CPS1: variants seen among roughly 807,000 people sequenced by gnomAD.
CPS1 encodes the protein carbamoyl-phosphate synthase [ammonia], mitochondrial.
Under a neutral mutation model 174.6 loss-of-function variants are expected in CPS1, and 109 were observed. The ratio of observed to expected loss-of-function variants is 0.62; its 90% CI spans 0.53 to 0.73. CPS1 has a LOEUF of 0.73. CPS1 is among the 30% of genes least tolerant of loss of function. The pLI is 0.00. For synonymous variants in CPS1, 637 were observed against 632.0 expected, an observed-to-expected ratio of 1.01 and a Z score of -0.12; for missense variants, 1,689 against 1,821.9, an observed-to-expected ratio of 0.93 and a Z score of 1.33.
At position 210,676,902 on chromosome 2, in the gene CPS1, G is replaced by A. The variant is rs1701553774; in HGVS notation, c.4275-105G>A. ...AGGAGGGCAGATGGCAGTCAACTCA[G>A]CATGGCATTGACTTGAATGGCTAAG... On this transcript the variant is annotated intron_variant, in intron 36 of 37. Transcript: ENST00000233072. 9 of 1,035,552 alleles carry A rather than the reference G, an allele frequency of 8.7e-6. No individual in the cohort carries two copies. The Admixed American group carries it at 1.6e-4, about 18-fold the overall frequency. 64.1% of individuals were successfully genotyped at this position (1,035,552 alleles called of 1,614,324 possible).
intron 1 of CPS1, among the ~76,000 whole-genome samples, chr2:210,541,616 C>T (rs1013233981): frequency 2.0e-5 from 3 of 152,006 alleles, no homozygotes; most frequent in African/African-American, 7.2e-5. Context: ...AGTCCAAGGC[C>T]ACATTAGTAC....
At chr2:210,495,363 G>A (rs1173599387) in intron 1 of CPS1, among the ~76,000 whole-genome samples, 1 of 152,138 alleles carries the variant, frequency 6.6e-6, no homozygotes, top group African/African-American at 2.4e-5. Flanking sequence ...TCTGTGATGT[G>A]CCTCCACTCA....
In CPS1 at chr2:210,491,307, G is replaced by GTT. The variant is rs66825517; in HGVS notation, c.3+13571_3+13572dup. On this transcript the variant is annotated intron_variant, in intron 1 of 38. Transcript: ENST00000430249. Reference sequence around the variant, plus strand: ...GTAAAAGCATGTATTTGGTATCTGTGTTTTTTTTTTTTTTTTTTTTTTTTT... The same window carrying GTT: ...GTAAAAGCATGTATTTGGTATCTGTGTTTTTTTTTTTTTTTTTTTTTTTTTTT... Among the ~76,000 whole-genome samples the GTT allele has an allele frequency of 3.3e-3, 166 of 50,322 alleles. 20 individuals carry two copies. The highest frequency in any genetic ancestry group is 0.01 in the African/African-American group (104 of 9,972). The allele number at this position is 50,322 out of a possible 152,430, so 33.0% of individuals were successfully genotyped here. A position where few individuals can be genotyped will look rare whatever the true frequency, so the allele number is the denominator to read the frequency against.
intron 33 of CPS1, among the ~76,000 whole-genome samples, chr2:210,665,947 G>A (rs938652351): frequency 2.0e-4 from 29 of 145,066 alleles, no homozygotes; most frequent in African/African-American, 7.1e-4. Context: ...CACCAACAGT[G>A]TCAAAGTGTT....
At chr2:210,664,250 C>T (rs1299235188) in intron 33 of CPS1, among the ~76,000 whole-genome samples, 7 of 152,104 alleles carry the variant, frequency 4.6e-5, no homozygotes, top group South Asian at 2.1e-4. Flanking sequence ...ATCCCATGGT[C>T]GCTACTACTA....
intron 21 of CPS1, among the ~76,000 whole-genome samples, chr2:210,631,590 T>C (rs1699873852): frequency 1.3e-5 from 2 of 152,194 alleles, no homozygotes; most frequent in South Asian, 4.1e-4. Flanking sequence ...CCTTCTAAAA[T>C]TTCAGTCATT....
chr2:210,536,611 C>A (rs1171748641), intron 1 of CPS1, among the ~76,000 whole-genome samples: 3 of 152,292 alleles, frequency 2.0e-5, no homozygotes, highest in Non-Finnish European at 4.4e-5. Flanking sequence ...CAGGCGTGAG[C>A]CACTGCGCCT....
intron 1 of CPS1, among the ~76,000 whole-genome samples, chr2:210,484,715 C>T (rs1249959664): frequency 6.6e-6 from 1 of 152,158 alleles, no homozygotes; most frequent in Non-Finnish European, 1.5e-5. Flanking sequence ...TTACCCCTCC[C>T]TAAATTCTGT....
chr2:210,557,777 G>A (rs1214890622), intron 1 of CPS1, among the ~76,000 whole-genome samples: 1 of 152,192 alleles, frequency 6.6e-6, no homozygotes, highest in Non-Finnish European at 1.5e-5. Context: ...GTCTGTTGAT[G>A]TGAAAATGGG....
At chr2:210,666,565 A>G (rs535870502) in intron 33 of CPS1, among the ~76,000 whole-genome samples, 183 of 152,276 alleles carry the variant, frequency 1.2e-3, no homozygotes, top group African/African-American at 4.1e-3. Context: ...TTTTCCCAGC[A>G]CCATTTATTA....
At chr2:210,554,572 A>G (rs1696841039), upstream of CPS1, among the ~76,000 whole-genome samples, 1 of 151,882 alleles carries the variant, frequency 6.6e-6, no homozygotes. Flanking sequence ...GAGGAAATAT[A>G]TTATAGTATT....
At chr2:210,497,098 T>G (rs1695009209) in intron 1 of CPS1, among the ~76,000 whole-genome samples, 1 of 152,160 alleles carries the variant, frequency 6.6e-6, no homozygotes, top group Non-Finnish European at 1.5e-5. Context: ...GGTATCTTCT[T>G]GTATGCTAAC....
intron 1 of CPS1, among the ~76,000 whole-genome samples, chr2:210,509,091 A>T (rs974708762): frequency 2.2e-4 from 33 of 152,348 alleles, no homozygotes; most frequent in African/African-American, 6.5e-4. Flanking sequence ...AGAGAATTTT[A>T]GACCAAGATC....
At chr2:210,633,980 ATTG>A (rs920260642) in intron 21 of CPS1, among the ~76,000 whole-genome samples, 3 of 152,240 alleles carry the variant, frequency 2.0e-5, no homozygotes, top group African/African-American at 7.2e-5. Context: ...AAAAGTGGTT[ATTG>A]TTCTAATTTA....
chr2:210,659,925 C>T (rs573832018), intron 31 of CPS1, among the ~76,000 whole-genome samples: 6 of 152,110 alleles, frequency 3.9e-5, no homozygotes, highest in African/African-American at 7.2e-5. Context: ...TCTCGCAAAA[C>T]GGTTGGAATT....
intron 1 of CPS1, among the ~76,000 whole-genome samples, chr2:210,533,835 C>G (rs1457027277): frequency 6.6e-6 from 1 of 152,188 alleles, no homozygotes; most frequent in Non-Finnish European, 1.5e-5. Context: ...GGGCATTAAT[C>G]AAATGATCAT....
At chr2:210,515,874 T>A (rs1395678943) in intron 1 of CPS1, among the ~76,000 whole-genome samples, 2 of 151,918 alleles carry the variant, frequency 1.3e-5, no homozygotes, top group Non-Finnish European at 2.9e-5. Flanking sequence ...TTTTGCTGCA[T>A]CACAGAGATT....
chr2:210,668,072 G>A (rs1054301274), intron 33 of CPS1, 114 bp from the exon 34 acceptor site: 22 of 603,372 alleles, frequency 3.6e-5, no homozygotes, highest in Admixed American at 1.0e-4. Context: ...CCATTTGTGC[G>A]TGCATGTGTG....
intron 1 of CPS1, among the ~76,000 whole-genome samples, chr2:210,523,550 G>A (rs554586735): frequency 6.6e-6 from 1 of 151,776 alleles, no homozygotes; most frequent in Non-Finnish European, 1.5e-5. Context: ...CTGTGTCCAC[G>A]TGGACGCATT....
Sources: allele counts gnomAD v4.1 joint callset (sites outside exome capture counted in the v4.1 genomes callset), GRCh38; gene constraint gnomAD v4.1.1; transcripts MANE v1.5; gene names NCBI Gene and HGNC (gene_info 2026-07-23, HGNC 2026-07-21).